MAGI1: variants seen among roughly 807,000 people sequenced by gnomAD.
MAGI1 encodes membrane associated guanylate kinase, WW and PDZ domain containing 1, also known as membrane-associated guanylate kinase, WW and PDZ domain-containing protein 1.
In MAGI1, 58 loss-of-function variants were observed where a neutral mutation model predicts 139.9. The ratio of observed to expected loss-of-function variants is 0.41; its 90% confidence interval spans 0.34 to 0.52. MAGI1 has a LOEUF of 0.52. Among genes scored for constraint, MAGI1 ranks in the 20% least tolerant of loss-of-function variants. The pLI is 0.12. For synonymous variants in MAGI1, 812 were observed against 737.9 expected (o/e 1.10, Z -1.63); for missense variants, 1,874 against 1,901.6 (o/e 0.99, Z 0.27).
intron 3 of MAGI1, among the ~76,000 whole-genome samples, chr3:65,483,709 T>A (rs1348269617): frequency 6.6e-6 from 1 of 152,186 alleles, no homozygotes; most frequent in East Asian, 1.9e-4. Context: ...TGCTGCTATT[T>A]TCAGAACTGG....
At chr3:65,874,950 G>A (rs1005783657) in intron 1 of MAGI1, 1 of 152,638 alleles carries the variant, frequency 6.6e-6, no homozygotes, top group African/African-American at 2.4e-5. Context: ...AGGTGTGGTA[G>A]CTCACGTCTG....
At chr3:65,713,506 T>C (rs2031785288) in intron 1 of MAGI1, among the ~76,000 whole-genome samples, 1 of 152,146 alleles carries the variant, frequency 6.6e-6, no homozygotes, top group Middle Eastern at 3.2e-3. Flanking sequence ...ACTGGCTGTC[T>C]ACCCTGTGGG....
chr3:65,422,574 G>A (rs1470035161), intron 12 of MAGI1, among the ~76,000 whole-genome samples: 3 of 152,120 alleles, frequency 2.0e-5, no homozygotes, highest in Non-Finnish European at 4.4e-5. Flanking sequence ...ATGATTTTCT[G>A]AATACCTATA....
intron 1 of MAGI1, among the ~76,000 whole-genome samples, chr3:65,860,990 A>G (rs144120776): frequency 0.017 from 2,615 of 152,306 alleles, 26 homozygotes; most frequent in Middle Eastern, 0.031. Flanking sequence ...AGAGAATTCA[A>G]ATAAGAAGGG....
chr3:66,019,078 T>A (rs1304737135), intron 1 of MAGI1, among the ~76,000 whole-genome samples: 1 of 152,058 alleles, frequency 6.6e-6, no homozygotes, highest in Non-Finnish European at 1.5e-5. Context: ...ATAAGGAGAG[T>A]AGAATACATG....
intron 1 of MAGI1, among the ~76,000 whole-genome samples, chr3:65,900,422 G>A (rs1253814662): frequency 6.6e-6 from 1 of 152,194 alleles, no homozygotes; most frequent in African/African-American, 2.4e-5. Context: ...AAAGAGTCAT[G>A]TATTATTTGC....
At chr3:65,788,007 G>A (rs886421400) in intron 1 of MAGI1, among the ~76,000 whole-genome samples, 1 of 152,152 alleles carries the variant, frequency 6.6e-6, no homozygotes, top group South Asian at 2.1e-4. Context: ...GCAATGGCCT[G>A]CAAAGTTACA....
At chr3:65,440,689 T>C (rs1948225995) in intron 8 of MAGI1, among the ~76,000 whole-genome samples, 1 of 152,062 alleles carries the variant, frequency 6.6e-6, no homozygotes, top group African/African-American at 2.4e-5. Context: ...GTACAGGCCT[T>C]AGGCAGAGAG....
chr3:65,921,919 GACACAC>G (rs35532734), intron 1 of MAGI1, among the ~76,000 whole-genome samples: 239 of 140,824 alleles, frequency 1.7e-3, no homozygotes, highest in Middle Eastern at 3.7e-3. Context: ...CCACACACAC[GACACAC>G]ACACACACAC....
At chr3:65,749,011 G>A (rs2035925016) in intron 1 of MAGI1, among the ~76,000 whole-genome samples, 1 of 152,116 alleles carries the variant, frequency 6.6e-6, no homozygotes. Context: ...CAGTAGGGGT[G>A]GACAGTAGAT....
intron 2 of MAGI1, among the ~76,000 whole-genome samples, chr3:65,545,074 A>G (rs1281115656): frequency 3.3e-5 from 5 of 152,188 alleles, no homozygotes; most frequent in African/African-American, 9.7e-5. Flanking sequence ...GTTAGAGATG[A>G]CGGAAATTAA....
intron 3 of MAGI1, among the ~76,000 whole-genome samples, chr3:65,491,017 C>G (rs1297427834): frequency 6.6e-6 from 1 of 152,070 alleles, no homozygotes; most frequent in Admixed American, 6.6e-5. Flanking sequence ...GCAACATTCA[C>G]AAAGGCACCG....
intron 1 of MAGI1, among the ~76,000 whole-genome samples, chr3:65,728,014 A>G (rs1386413582): frequency 6.6e-6 from 1 of 152,190 alleles, no homozygotes; most frequent in Non-Finnish European, 1.5e-5. Flanking sequence ...AAACATTTGT[A>G]AAGGGATATA....
intron 5 of MAGI1, among the ~76,000 whole-genome samples, chr3:65,462,706 G>A (rs1237659409): frequency 6.6e-6 from 1 of 152,264 alleles, no homozygotes; most frequent in South Asian, 2.1e-4. Flanking sequence ...AATTACTTTG[G>A]GCAGTATGGC....
intron 1 of MAGI1, among the ~76,000 whole-genome samples, chr3:65,962,629 G>A (rs930354496): frequency 6.6e-6 from 1 of 151,846 alleles, no homozygotes; most frequent in African/African-American, 2.4e-5. Flanking sequence ...GAGGTCAGGA[G>A]TTCAAGACCA....
At chr3:65,359,654 C>T (rs1940596077) in intron 22 of MAGI1, 1 of 989,282 alleles carries the variant, frequency 1.0e-6, no homozygotes, top group South Asian at 4.6e-5. Flanking sequence ...TGACTCTAAT[C>T]AATGGAATTA....
At chr3:65,929,848 G>C (rs1283967610) in intron 1 of MAGI1, among the ~76,000 whole-genome samples, 1 of 152,124 alleles carries the variant, frequency 6.6e-6, no homozygotes, top group Non-Finnish European at 1.5e-5. Context: ...CTGTGGAATG[G>C]AGAGTGGGCT....
intron 1 of MAGI1, among the ~76,000 whole-genome samples, chr3:65,891,324 T>C (rs1046566741): frequency 7.9e-5 from 12 of 152,074 alleles, no homozygotes; most frequent in African/African-American, 2.9e-4. Flanking sequence ...GACAGATAAC[T>C]GTAATGGTAA....
At chr3:65,682,885 C>T (rs1026128799) in intron 1 of MAGI1, among the ~76,000 whole-genome samples, 7 of 152,148 alleles carry the variant, frequency 4.6e-5, no homozygotes, top group African/African-American at 7.2e-5. Context: ...CACCAGGGAC[C>T]GGTTTCATGG....
Sources: gnomAD v4.1 joint callset for allele counts (sites outside exome capture counted in the v4.1 genomes callset) on GRCh38, gnomAD v4.1.1 for gene constraint, MANE v1.5 for transcripts, NCBI Gene and HGNC (gene_info 2026-07-23, HGNC 2026-07-21) for gene names.